PPM1L: variants seen among roughly 807,000 people sequenced by gnomAD.
PPM1L encodes the protein protein phosphatase 1L.
A neutral mutation model predicts 31.4 loss-of-function variants in PPM1L; 13 were observed. The observed-to-expected ratio is 0.41, with a 90% CI of 0.27 to 0.66. The LOEUF (loss-of-function observed/expected upper bound fraction) is 0.66, where lower values mean the gene tolerates loss of function less well. Among genes scored for constraint, PPM1L ranks in the 30% least tolerant of loss-of-function variants. PPM1L has a pLI of 0.29. For missense variants in PPM1L, 326 were observed against 453.7 expected (o/e 0.72, Z 2.56); for synonymous variants, 184 against 175.4 (o/e 1.05, Z -0.39).
chr3:160,759,244 G>A (rs1288422478), intron 1 of PPM1L, among the ~76,000 whole-genome samples: 2 of 152,156 alleles, frequency 1.3e-5, no homozygotes, highest in African/African-American at 4.8e-5. Flanking sequence ...CTCTAGAATG[G>A]TGCAGACGAT....
chr3:161,035,357 C>T (rs1718715200), intron 2 of PPM1L, among the ~76,000 whole-genome samples: 1 of 152,166 alleles, frequency 6.6e-6, no homozygotes, highest in African/African-American at 2.4e-5. Context: ...ACTTCTGTTT[C>T]ATGGTTTGTG....
intron 1 of PPM1L, among the ~76,000 whole-genome samples, chr3:160,895,054 G>A (rs962027738): frequency 1.3e-5 from 2 of 152,076 alleles, no homozygotes; most frequent in African/African-American, 4.8e-5. Flanking sequence ...TCACATTATT[G>A]CTTAAAAATA....
rs1715726880 is a variant in PPM1L, at chr3:160,955,073, CG to C, written c.400-6662del. ...GTCATCAGGCTGGAGTGCAATGGTG[CG>C]ATCTCTGCTCACTGCAACCTCTGCC... On this transcript the variant is annotated intron_variant, in intron 1 of 3. Transcript: ENST00000498165. 3.3e-5 allele frequency among the ~76,000 whole-genome samples: 5 copies of C among 151,300 alleles called. No individual in the cohort carries two copies. The South Asian group carries it at 1.0e-3, about 32-fold the overall frequency.
At chr3:160,963,356 A>G (rs1403105924) in intron 2 of PPM1L, among the ~76,000 whole-genome samples, 1 of 152,110 alleles carries the variant, frequency 6.6e-6, no homozygotes, top group African/African-American at 2.4e-5. Flanking sequence ...GCACGGCAAT[A>G]TACTAGGTTG....
intron 1 of PPM1L, among the ~76,000 whole-genome samples, chr3:160,786,149 C>CTGTGTGTGTG (rs1560106662): frequency 3.4e-5 from 3 of 89,054 alleles, no homozygotes; most frequent in South Asian, 3.5e-4. Flanking sequence ...CTCTCTCTCT[C>CTGTGTGTGTG]TCTCTCTCTG....
intron 1 of PPM1L, among the ~76,000 whole-genome samples, chr3:160,898,422 G>A (rs999012621): frequency 6.6e-6 from 1 of 152,176 alleles, no homozygotes; most frequent in African/African-American, 2.4e-5. Flanking sequence ...TTAATGAGAA[G>A]TGAGACCTGC....
In PPM1L at chr3:160,756,566, G is replaced by C. The variant is rs1265893158; in HGVS notation, c.258G>C (p.Trp86Cys). Reference protein sequence around the residue: ...DVLEAEFSKTWEFKNHNVAVY... With the variant: ...DVLEAEFSKTCEFKNHNVAVY... ...TCGAGGCCGAGTTTTCCAAGACCTG[G>C]GAGTTCAAGAACCACAACGTGGCGG... Residue 86 changes from tryptophan (W) to cysteine (C), a missense_variant, in exon 1 of 4, where the codon TGG becomes TGC. By Grantham distance (215) the Trp-to-Cys change is radical. This residue lies in a region of PPM1L where 83 missense variants were observed against 79.4 expected (regional missense o/e 1.04). Coordinates refer to ENST00000498165, the MANE Select transcript of PPM1L (RefSeq NM_139245.4). The surrounding 1 kb of genome is among the most constrained non-coding windows in gnomAD (Gnocchi z 6.2). 3.1e-6 allele frequency: 5 copies of C among 1,614,116 alleles called. No individual in the cohort carries two copies. The highest frequency in any genetic ancestry group is 4.2e-6 in the Non-Finnish European group (5 of 1,180,026).
At chr3:160,980,715 AG>A (rs1322768410) in intron 2 of PPM1L, among the ~76,000 whole-genome samples, 1 of 147,540 alleles carries the variant, frequency 6.8e-6, no homozygotes, top group Non-Finnish European at 1.5e-5. Context: ...AGAAAAAAAA[AG>A]AGAGAGAGAG....
At position 160,870,986 on chromosome 3, in the gene PPM1L, T is replaced by C. The variant is rs1440130262; in HGVS notation, c.400-90750T>C. Among the ~76,000 whole-genome samples the C allele has an allele frequency of 2.0e-5, 3 of 152,264 alleles. No individual in the cohort carries two copies. In the East Asian group the frequency reaches 5.8e-4, roughly 29 times the overall value. On this transcript the variant is annotated intron_variant, in intron 1 of 3. Transcript: ENST00000498165. ...GCACATCTCTGTAATTTCTCAGAAA[T>C]TAAACAGCATGACCCTTTGATTGAA...
intron 2 of PPM1L, among the ~76,000 whole-genome samples, chr3:161,010,713 T>A (rs1310589198): frequency 2.0e-5 from 3 of 152,212 alleles, no homozygotes; most frequent in African/African-American, 7.2e-5. Flanking sequence ...AATGATCGCC[T>A]TTCTAACTGG....
At chr3:160,901,034 C>G (rs928407836) in intron 1 of PPM1L, among the ~76,000 whole-genome samples, 2 of 152,008 alleles carry the variant, frequency 1.3e-5, no homozygotes, top group Admixed American at 1.3e-4. Context: ...TGCTTTTGTT[C>G]ATCTCCCCAG....
intron 1 of PPM1L, among the ~76,000 whole-genome samples, chr3:160,950,169 C>T (rs1207027192): frequency 2.6e-5 from 4 of 152,042 alleles, no homozygotes; most frequent in Non-Finnish European, 4.4e-5. Context: ...CAGGAGTCTC[C>T]TTGGGTGCCT....
chr3:160,812,222 TC>T (rs952668773), intron 1 of PPM1L, among the ~76,000 whole-genome samples: 2 of 152,204 alleles, frequency 1.3e-5, no homozygotes, highest in Admixed American at 1.3e-4. Flanking sequence ...CGGTTCTTTC[TC>T]CCCTTTTCCC....
intron 1 of PPM1L, among the ~76,000 whole-genome samples, chr3:160,951,547 A>G (rs1715577300): frequency 6.6e-6 from 1 of 152,182 alleles, no homozygotes; most frequent in East Asian, 1.9e-4. Flanking sequence ...GAGGTAAGTT[A>G]TTTTTTATGT....
At chr3:160,920,335 C>T (rs1714344010) in intron 1 of PPM1L, among the ~76,000 whole-genome samples, 1 of 152,138 alleles carries the variant, frequency 6.6e-6, no homozygotes, top group African/African-American at 2.4e-5. Context: ...GCCCCTTCTC[C>T]TCCCCAGGCT....
chr3:160,854,574 AAC>A (rs887261540), intron 1 of PPM1L, among the ~76,000 whole-genome samples: 11 of 151,972 alleles, frequency 7.2e-5, no homozygotes, highest in African/African-American at 2.4e-4. Context: ...CCAAATCAAG[AAC>A]ACAATTCAAT....
At chr3:160,920,473 A>C (rs1049425136) in intron 1 of PPM1L, among the ~76,000 whole-genome samples, 7 of 152,188 alleles carry the variant, frequency 4.6e-5, no homozygotes, top group Non-Finnish European at 8.8e-5. Flanking sequence ...TTTCCTGCAC[A>C]TAAGAAGGAC....
chr3:160,995,833 C>T (rs1273159456), intron 2 of PPM1L, among the ~76,000 whole-genome samples: 1 of 152,044 alleles, frequency 6.6e-6, no homozygotes, highest in Non-Finnish European at 1.5e-5. Context: ...GGGAAAACAC[C>T]TTAGTTTTCT....
intron 1 of PPM1L, among the ~76,000 whole-genome samples, chr3:160,860,228 G>T (rs1462517376): frequency 6.6e-6 from 1 of 152,164 alleles, no homozygotes; most frequent in African/African-American, 2.4e-5. Context: ...ACCACGTCCA[G>T]ATGCCTTCCT....
Sources: gnomAD v4.1 joint callset for allele counts (sites outside exome capture counted in the v4.1 genomes callset) on GRCh38, gnomAD v4.1.1 for gene constraint, gnomAD v4.1.1 regional missense constraint, Gnocchi (gnomAD v3.1) non-coding constraint, MANE v1.5 for transcripts, NCBI Gene and HGNC (gene_info 2026-07-23, HGNC 2026-07-21) for gene names.